The following CACHD1 variants were observed in gnomAD, a reference collection of about 807,000 sequenced individuals.
CACHD1 encodes cache domain containing 1.
A neutral mutation model predicts 138.7 loss-of-function variants in CACHD1; 71 were observed. The ratio of observed to expected loss-of-function variants is 0.51; its 90% CI spans 0.42 to 0.62. The LOEUF (loss-of-function observed/expected upper bound fraction) is 0.62. Ranked by LOEUF, CACHD1 falls within the 20% of genes least tolerant of loss-of-function variation. CACHD1 has a pLI of 0.00. For missense variants in CACHD1, 1,389 were observed against 1,625.3 expected, an observed-to-expected ratio of 0.85 and a Z score of 2.50; for synonymous variants, 578 against 591.5, an observed-to-expected ratio of 0.98 and a Z score of 0.33.
At chr1:64,478,578 A>G (rs1646190161) in intron 1 of CACHD1, among the ~76,000 whole-genome samples, 1 of 152,180 alleles carries the variant, frequency 6.6e-6, no homozygotes, top group African/African-American at 2.4e-5. Context: ...GGAGGCTGAG[A>G]GTGATACAGG....
chr1:64,629,535 T>G, intron 5 of CACHD1, 54 bp downstream of exon 5: 2 of 1,573,878 alleles, frequency 1.3e-6, no homozygotes, highest in Non-Finnish European at 1.7e-6. Flanking sequence ...GTGATCTACA[T>G]GAAATATAAA....
intron 3 of CACHD1, among the ~76,000 whole-genome samples, chr1:64,600,531 G>A (rs1557513492): frequency 1.3e-5 from 2 of 152,178 alleles, no homozygotes; most frequent in South Asian, 4.1e-4. Context: ...CAGAACAGGA[G>A]TAGGTACCCT....
In CACHD1 at chr1:64,675,997, TAA is replaced by T. The variant is rs1557552333; in HGVS notation, c.2975+15_2975+16del. On this transcript the variant is annotated intron_variant, in intron 21 of 26. Coordinates refer to ENST00000651257, the MANE Select transcript of CACHD1 (RefSeq NM_020925.4). ...TGCAGAGAACCGGTAAAATAATTAA[TAA>T]TAATAATAATAATAATAATAATAAT... 1 of 42,798 alleles carries T rather than the reference TAA, an allele frequency of 2.3e-5. No homozygotes were observed. The highest frequency in any genetic ancestry group is 3.0e-5 in the Non-Finnish European group (1 of 33,126). 2.7% of individuals were successfully genotyped at this position (42,798 alleles called of 1,614,324 possible).
Position 64,691,399 on chromosome 1 carries a change from T to G in CACHD1, c.3663T>G (p.Asp1221Glu), listed in dbSNP as rs755233291. ...CNNDPLSAGV[D>E]VGNHDEDLDL... Reference sequence around the variant, plus strand: ...ATGACCCCTTGTCAGCCGGGGTCGATGTGGGAAACCATGATGAGGACTTAG... The same window carrying G: ...ATGACCCCTTGTCAGCCGGGGTCGAGGTGGGAAACCATGATGAGGACTTAG... Residue 1221 changes from aspartate to glutamate, a missense_variant, in exon 27 of 27, where the codon GAT (aspartate) becomes GAG (glutamate). This residue lies in a region of CACHD1 where 78 missense variants were observed against 76.9 expected (regional missense o/e 1.01). Coordinates refer to ENST00000651257, the MANE Select transcript of CACHD1 (RefSeq NM_020925.4). 6 of 1,614,044 alleles carry G rather than the reference T, an allele frequency of 3.7e-6. No homozygotes were observed.
chr1:64,500,737 AGAGAGAGAG>A (rs1646334322), intron 1 of CACHD1, among the ~76,000 whole-genome samples: 3 of 8,170 alleles, frequency 3.7e-4, no homozygotes, highest in African/African-American at 6.0e-4. Flanking sequence ...AAAAAAAAAG[AGAGAGAGAG>A]AGAGAGAGAG....
chr1:64,578,127 AG>A (rs1399814140), intron 2 of CACHD1, among the ~76,000 whole-genome samples: 1 of 152,224 alleles, frequency 6.6e-6, no homozygotes, highest in Non-Finnish European at 1.5e-5. Context: ...TAATATTTCA[AG>A]CCACCATTGC....
At chr1:64,531,586 T>G (rs1646586735) in intron 1 of CACHD1, among the ~76,000 whole-genome samples, 1 of 152,026 alleles carries the variant, frequency 6.6e-6, no homozygotes, top group Admixed American at 6.6e-5. Flanking sequence ...AAGACTGTCT[T>G]GAAGAACTTA....
intron 13 of CACHD1, among the ~76,000 whole-genome samples, chr1:64,660,275 C>G (rs1369388784): frequency 1.3e-5 from 2 of 152,070 alleles, no homozygotes; most frequent in African/African-American, 4.8e-5. Flanking sequence ...AAAAGAAGCT[C>G]AAGCCTAGAT....
At chr1:64,518,109 G>A (rs1481300947) in intron 1 of CACHD1, among the ~76,000 whole-genome samples, 3 of 152,136 alleles carry the variant, frequency 2.0e-5, no homozygotes, top group Non-Finnish European at 4.4e-5. Flanking sequence ...CTAAATGTTT[G>A]TATCTCCTTA....
At chr1:64,669,972 G>C (rs375001067) in intron 16 of CACHD1, among the ~76,000 whole-genome samples, 3 of 152,266 alleles carry the variant, frequency 2.0e-5, no homozygotes, top group South Asian at 4.1e-4. Context: ...ATGTGTTTTT[G>C]CCCTTCTCAG....
At chr1:64,623,795 G>A (rs1179635138) in intron 4 of CACHD1, among the ~76,000 whole-genome samples, 1 of 152,092 alleles carries the variant, frequency 6.6e-6, no homozygotes, top group African/African-American at 2.4e-5. Context: ...AGGTGTAGGT[G>A]TATAGAGCAA....
At chr1:64,619,986 A>G (rs1647851971) in intron 4 of CACHD1, among the ~76,000 whole-genome samples, 1 of 152,182 alleles carries the variant, frequency 6.6e-6, no homozygotes, top group Non-Finnish European at 1.5e-5. Context: ...TATAAGCAAA[A>G]TATCTAGAAT....
intron 2 of CACHD1, among the ~76,000 whole-genome samples, chr1:64,553,085 G>A (rs1485033166): frequency 6.6e-6 from 1 of 152,092 alleles, no homozygotes; most frequent in East Asian, 1.9e-4. Flanking sequence ...TTATCATTTA[G>A]CCTAAATTTT....
chr1:64,593,036 G>T (rs779549038), intron 3 of CACHD1, among the ~76,000 whole-genome samples: 1 of 152,150 alleles, frequency 6.6e-6, no homozygotes. Context: ...ATTAACTAAA[G>T]GGTGAAAAGA....
intron 19 of CACHD1, among the ~76,000 whole-genome samples, chr1:64,674,557 A>G (rs926292118): frequency 2.6e-5 from 4 of 152,126 alleles, no homozygotes; most frequent in South Asian, 2.1e-4. Context: ...CTCCAAGCCT[A>G]TGTTACTGCT....
At chr1:64,492,802 T>C (rs1476108283) in intron 1 of CACHD1, among the ~76,000 whole-genome samples, 4 of 152,166 alleles carry the variant, frequency 2.6e-5, no homozygotes, top group South Asian at 2.1e-4. Flanking sequence ...GGAGGACATG[T>C]TGATGTGAAA....
Position 64,679,593 on chromosome 1 carries a change from A to T in CACHD1, c.3245-2A>T. On this transcript the variant is annotated splice_acceptor_variant, in intron 23 of 26. Coordinates refer to ENST00000651257, the MANE Select transcript of CACHD1 (RefSeq NM_020925.4). LOFTEE classifies it high-confidence loss of function. The stretch of plus-strand genomic sequence containing the variant: ...AAACATCTTCTTGCTCTTTCACTGA[A>T]GGTGATGAGGTGATCACATTAAACA... 1 of 1,612,368 alleles carries T rather than the reference A, an allele frequency of 6.2e-7. No homozygotes were observed.
At chr1:64,491,360 TTTAA>T (rs1646273661) in intron 1 of CACHD1, among the ~76,000 whole-genome samples, 1 of 152,116 alleles carries the variant, frequency 6.6e-6, no homozygotes, top group Admixed American at 6.6e-5. Flanking sequence ...AGAAAACAAG[TTTAA>T]TTGACTCACA....
chr1:64,501,339 C>T (rs1382867889), intron 1 of CACHD1, among the ~76,000 whole-genome samples: 2 of 152,138 alleles, frequency 1.3e-5, no homozygotes, highest in East Asian at 3.9e-4. Context: ...GAGTTCACAA[C>T]CTCTCCCTCT....
Sources: allele counts gnomAD v4.1 joint callset (sites outside exome capture counted in the v4.1 genomes callset), GRCh38; gene constraint gnomAD v4.1.1; regional missense constraint gnomAD v4.1.1; transcripts MANE v1.5; gene names NCBI Gene and HGNC (gene_info 2026-07-23, HGNC 2026-07-21).